Variants in ZCCHC7 observed in about 807,000 individuals in gnomAD.
The protein encoded by ZCCHC7 is zinc finger CCHC-type containing 7.
Under a neutral mutation model 52.0 loss-of-function variants are expected in ZCCHC7, and 35 were observed. That is an observed-to-expected ratio of 0.67 (90% CI 0.51 to 0.89). ZCCHC7 has a LOEUF of 0.89. Among genes scored for constraint, ZCCHC7 ranks in the 40% least tolerant of loss-of-function variants. ZCCHC7 has a pLI of 0.00. For missense variants in ZCCHC7, 574 were observed against 649.1 expected (o/e 0.88, Z 1.26); for synonymous variants, 217 against 221.5 (o/e 0.98, Z 0.18).
At chr9:37,163,138 T>TTGCTGTGAGCCGAGATCGCACCAC (rs1404237979) in intron 2 of ZCCHC7, among the ~76,000 whole-genome samples, 11 of 151,638 alleles carry the variant, frequency 7.3e-5, no homozygotes, top group Non-Finnish European at 1.0e-4. Context: ...GAGGTGGAGG[T>TTGCTGTGAGCCGAGATCGCACCAC]TGCTGTGAGC....
At chr9:37,290,576 C>T (rs1588621086) in intron 2 of ZCCHC7, among the ~76,000 whole-genome samples, 2 of 152,214 alleles carry the variant, frequency 1.3e-5, no homozygotes, top group South Asian at 2.1e-4. Context: ...GGATTGTTTG[C>T]ACCCGGGAGG....
intron 2 of ZCCHC7, among the ~76,000 whole-genome samples, chr9:37,248,487 A>G (rs1156377782): frequency 2.0e-5 from 3 of 152,234 alleles, no homozygotes; most frequent in Admixed American, 1.3e-4. Context: ...TTTAGACTCT[A>G]CAACTTCAGT....
At chr9:37,218,830 TA>T (rs1357756525) in intron 2 of ZCCHC7, among the ~76,000 whole-genome samples, 1 of 151,700 alleles carries the variant, frequency 6.6e-6, no homozygotes, top group Non-Finnish European at 1.5e-5. Context: ...AAACGAATTG[TA>T]TCCTGCAGAG....
chr9:37,166,265 GCA>G (rs1441859583), intron 2 of ZCCHC7, among the ~76,000 whole-genome samples: 1 of 152,066 alleles, frequency 6.6e-6, no homozygotes, highest in Non-Finnish European at 1.5e-5. Flanking sequence ...GCAGGGTGGT[GCA>G]CACCTGTAGT....
At chr9:37,199,688 CTT>C (rs1554711120) in intron 2 of ZCCHC7, among the ~76,000 whole-genome samples, 1 of 68,056 alleles carries the variant, frequency 1.5e-5, no homozygotes, top group East Asian at 2.6e-4. Flanking sequence ...GTCTGTCTGT[CTT>C]TCTGTCTGTC....
chr9:37,145,719 A>G (rs1343839302), intron 2 of ZCCHC7, among the ~76,000 whole-genome samples: 1 of 151,992 alleles, frequency 6.6e-6, no homozygotes, highest in Non-Finnish European at 1.5e-5. Flanking sequence ...TAGTTGCTTT[A>G]GATCCTTAAC....
At chr9:37,156,436 A>G (rs1010957771) in intron 2 of ZCCHC7, among the ~76,000 whole-genome samples, 2 of 152,246 alleles carry the variant, frequency 1.3e-5, no homozygotes, top group Non-Finnish European at 2.9e-5. Context: ...CTTTTCCCGT[A>G]AACGCCACAG....
chr9:37,212,447 C>T (rs933773548), intron 2 of ZCCHC7, among the ~76,000 whole-genome samples: 4 of 152,090 alleles, frequency 2.6e-5, no homozygotes, highest in Admixed American at 2.0e-4. Context: ...TAGAAAAGAG[C>T]AGATCTTTAA....
chr9:37,129,020 C>T lies in ZCCHC7; in HGVS notation c.610+2078C>T, dbSNP rs115557601. 5.5e-3 allele frequency among the ~76,000 whole-genome samples: 836 copies of T among 152,296 alleles called. 7 individuals carry two copies. The highest frequency in any genetic ancestry group is 0.019 in the African/African-American group (776 of 41,562). ...ATCTCCTTAACCATTTTGTTGATTT[C>T]AAATTCTCTGTGTACATCTACAGAA... On this transcript the variant is annotated intron_variant, in intron 2 of 8. Transcript: ENST00000336755.
At chr9:37,251,563 G>A (rs566033850) in intron 2 of ZCCHC7, among the ~76,000 whole-genome samples, 5 of 152,212 alleles carry the variant, frequency 3.3e-5, no homozygotes, top group African/African-American at 4.8e-5. Flanking sequence ...CCACTCTTCC[G>A]CTTTCTTTGT....
intron 2 of ZCCHC7, among the ~76,000 whole-genome samples, chr9:37,280,624 C>A (rs1013213286): frequency 6.7e-6 from 1 of 150,144 alleles, no homozygotes; most frequent in Non-Finnish European, 1.5e-5. Context: ...AAAAAAAAAT[C>A]TGGAAAGTCC....
chr9:37,125,012 C>T (rs1327387941), intron 1 of ZCCHC7, among the ~76,000 whole-genome samples: 1 of 152,118 alleles, frequency 6.6e-6, no homozygotes, highest in Non-Finnish European at 1.5e-5. Context: ...CCACCACACC[C>T]AGCTGATTTC....
At chr9:37,166,206 C>A (rs1821410649) in intron 2 of ZCCHC7, among the ~76,000 whole-genome samples, 1 of 151,938 alleles carries the variant, frequency 6.6e-6, no homozygotes, top group African/African-American at 2.4e-5. Flanking sequence ...ACCAGCCTGG[C>A]CAGCATGGTG....
At chr9:37,331,692 T>G (rs1401526526) in intron 6 of ZCCHC7, among the ~76,000 whole-genome samples, 1 of 151,672 alleles carries the variant, frequency 6.6e-6, no homozygotes, top group Non-Finnish European at 1.5e-5. Context: ...AAATGTGAAA[T>G]GAAGAGATTC....
chr9:37,228,133 A>T (rs1255397572), intron 2 of ZCCHC7, among the ~76,000 whole-genome samples: 2 of 152,156 alleles, frequency 1.3e-5, no homozygotes, highest in African/African-American at 4.8e-5. Flanking sequence ...AGTCAGATAC[A>T]GTGGACTATG....
intron 2 of ZCCHC7, among the ~76,000 whole-genome samples, chr9:37,196,822 A>G (rs1013413395): frequency 5.9e-5 from 9 of 152,286 alleles, no homozygotes; most frequent in East Asian, 5.8e-4. Flanking sequence ...AAACCCTCCC[A>G]AAATATCTAG....
intron 1 of ZCCHC7, among the ~76,000 whole-genome samples, chr9:37,123,190 G>GGTGT (rs58690804): frequency 1.5e-4 from 22 of 148,822 alleles, no homozygotes; most frequent in African/African-American, 3.2e-4. Context: ...CTGAGTCAAG[G>GGTGT]GTGTGTGTGT....
chr9:37,245,512 A>T (rs756384543), intron 2 of ZCCHC7, among the ~76,000 whole-genome samples: 97 of 152,180 alleles, frequency 6.4e-4, no homozygotes, highest in Non-Finnish European at 1.2e-3. Context: ...TGCAGAGTGG[A>T]CAATGTTAAG....
At chr9:37,261,621 C>T (rs952286544) in intron 2 of ZCCHC7, among the ~76,000 whole-genome samples, 1 of 152,134 alleles carries the variant, frequency 6.6e-6, no homozygotes, top group Non-Finnish European at 1.5e-5. Context: ...GCTCCATTTG[C>T]CCTAATGTGC....
Sources: allele counts gnomAD v4.1 joint callset (sites outside exome capture counted in the v4.1 genomes callset), GRCh38; gene constraint gnomAD v4.1.1; transcripts MANE v1.5; gene names NCBI Gene and HGNC (gene_info 2026-07-23, HGNC 2026-07-21).